Variants in FMN2 observed in about 807,000 individuals in gnomAD.
The protein encoded by FMN2 is formin-2.
In FMN2, 51 loss-of-function variants were observed where a neutral mutation model predicts 142.3. That is an observed-to-expected ratio of 0.36 (90% confidence interval 0.29 to 0.45). The LOEUF (loss-of-function observed/expected upper bound fraction) is 0.45, where lower values mean the gene tolerates loss of function less well. Among genes scored for constraint, FMN2 ranks in the 20% least tolerant of loss-of-function variants. The pLI is 1.00. For missense variants in FMN2, 1,936 were observed against 2,122.8 expected (o/e 0.91, Z 1.73); for synonymous variants, 882 against 869.8 (o/e 1.01, Z -0.25).
chr1:240,257,833 G>A, intron 6 of FMN2, 112 bp from the exon 7 acceptor site: 1 of 842,868 alleles, frequency 1.2e-6, no homozygotes, highest in Non-Finnish European at 1.9e-6. Context: ...TTTAGGTAAT[G>A]ACGTGAGATC....
intron 14 of FMN2, among the ~76,000 whole-genome samples, chr1:240,373,050 G>A (rs1672925519): frequency 6.6e-6 from 1 of 152,024 alleles, no homozygotes; most frequent in Non-Finnish European, 1.5e-5. Context: ...CGCGCGTGGT[G>A]GTGCACACCT....
At chr1:240,345,543 T>C (rs1006270621) in intron 13 of FMN2, among the ~76,000 whole-genome samples, 3 of 152,172 alleles carry the variant, frequency 2.0e-5, no homozygotes, top group Non-Finnish European at 4.4e-5. Context: ...TGATCTCGAC[T>C]CACTGCAACC....
In FMN2 at chr1:240,123,252, C is replaced by A. The variant is rs141488751; in HGVS notation, c.1689C>A (p.Ser563=). The change falls in exon 2 of 18, where the codon TCC becomes TCA. Residue 563 remains serine, a synonymous_variant. Transcript: ENST00000319653. ...GPPEEAEKFC[S]RIIAMGLLLP... ...CAGAAGAAGCAGAGAAGTTTTGCTC[C>A]CGGATCATTGCCATGGGTCTTCTCC... The A allele has an allele frequency of 6.7e-4, 1,074 of 1,614,076 alleles. No individual in the cohort carries two copies. The highest frequency in any genetic ancestry group is 7.9e-4 in the Non-Finnish European group (930 of 1,180,000).
At chr1:240,244,594 A>T (rs1443106574) in intron 6 of FMN2, among the ~76,000 whole-genome samples, 1 of 152,242 alleles carries the variant, frequency 6.6e-6, no homozygotes, top group Non-Finnish European at 1.5e-5. Context: ...TAAGTTACAG[A>T]AGATATTATC....
chr1:240,166,769 A>G (rs11809063), intron 2 of FMN2, among the ~76,000 whole-genome samples: 6,527 of 152,236 alleles, frequency 0.043, 461 homozygotes, highest in African/African-American at 0.15. Flanking sequence ...ATATTTTTGC[A>G]TATCACTGAT....
chr1:240,445,212 A>C (rs1450486507), intron 16 of FMN2, among the ~76,000 whole-genome samples: 1 of 152,200 alleles, frequency 6.6e-6, no homozygotes, highest in East Asian at 1.9e-4. Context: ...TGCATTCAAC[A>C]ATTTTTTATG....
chr1:240,175,986 T>G (rs779106098), intron 2 of FMN2, among the ~76,000 whole-genome samples: 3 of 152,190 alleles, frequency 2.0e-5, no homozygotes, highest in Non-Finnish European at 4.4e-5. Context: ...AAATACTTCC[T>G]CCCATTTTGT....
chr1:240,371,657 A>G (rs1672871014), intron 14 of FMN2, among the ~76,000 whole-genome samples: 1 of 152,242 alleles, frequency 6.6e-6, no homozygotes, highest in African/African-American at 2.4e-5. Flanking sequence ...AAATTGCACC[A>G]TTTAAAATTA....
intron 6 of FMN2, among the ~76,000 whole-genome samples, chr1:240,221,052 CT>C (rs1451834488): frequency 2.0e-5 from 3 of 152,100 alleles, no homozygotes; most frequent in African/African-American, 7.2e-5. Flanking sequence ...CGAACTCATC[CT>C]TTTTTATGGC....
chr1:240,268,245 T>A (rs1264567125), intron 7 of FMN2, among the ~76,000 whole-genome samples: 3 of 152,080 alleles, frequency 2.0e-5, no homozygotes, highest in African/African-American at 7.2e-5. Context: ...TTTGATTGTT[T>A]TGTAGTTTGG....
chr1:240,425,081 G>A (rs975822399), intron 15 of FMN2, among the ~76,000 whole-genome samples: 1 of 152,076 alleles, frequency 6.6e-6, no homozygotes, highest in Non-Finnish European at 1.5e-5. Flanking sequence ...TTCTGATGGC[G>A]GTCAGTGCTG....
intron 14 of FMN2, among the ~76,000 whole-genome samples, chr1:240,370,864 G>A (rs1203868726): frequency 6.6e-6 from 1 of 152,132 alleles, no homozygotes; most frequent in African/African-American, 2.4e-5. Context: ...ATTAAAGTGT[G>A]CGACTACTCA....
chr1:240,173,316 C>T (rs2103314885), intron 2 of FMN2, among the ~76,000 whole-genome samples: 1 of 152,280 alleles, frequency 6.6e-6, no homozygotes, highest in East Asian at 1.9e-4. Flanking sequence ...CCTTCTCATC[C>T]TGAAGTCGTT....
intron 6 of FMN2, among the ~76,000 whole-genome samples, chr1:240,219,438 T>C (rs6429188): frequency 0.66 from 100,328 of 152,034 alleles, 33,855 homozygotes; most frequent in African/African-American, 0.76. Flanking sequence ...ATGCTGGTGA[T>C]GACACTAGTC....
chr1:240,456,508 G>A (rs1039914997), intron 16 of FMN2, among the ~76,000 whole-genome samples: 1 of 152,154 alleles, frequency 6.6e-6, no homozygotes, highest in Admixed American at 6.5e-5. Context: ...CCAGGCTGGA[G>A]CGCAATGGCA....
intron 6 of FMN2, among the ~76,000 whole-genome samples, chr1:240,232,769 G>C (rs1299007788): frequency 1.3e-5 from 2 of 152,064 alleles, no homozygotes; most frequent in African/African-American, 4.8e-5. Context: ...TGGTTTCACA[G>C]ATTTCAGTAC....
intron 13 of FMN2, among the ~76,000 whole-genome samples, chr1:240,342,401 T>A (rs1369049849): frequency 6.6e-6 from 1 of 152,220 alleles, no homozygotes; most frequent in Admixed American, 6.5e-5. Flanking sequence ...ATAATTCGTC[T>A]CATGAATGTG....
intron 16 of FMN2, among the ~76,000 whole-genome samples, chr1:240,466,679 T>G (rs1676629287): frequency 6.6e-6 from 1 of 152,208 alleles, no homozygotes; most frequent in African/African-American, 2.4e-5. Flanking sequence ...AGGTTTTATA[T>G]TCATTCCAGC....
At chr1:240,267,588 A>G (rs1668861959) in intron 7 of FMN2, among the ~76,000 whole-genome samples, 1 of 151,532 alleles carries the variant, frequency 6.6e-6, no homozygotes, top group South Asian at 2.1e-4. Context: ...CCCTCATGAC[A>G]CAAGTTTACC....
Sources: allele counts gnomAD v4.1 joint callset (sites outside exome capture counted in the v4.1 genomes callset), GRCh38; gene constraint gnomAD v4.1.1; transcripts MANE v1.5; gene names NCBI Gene and HGNC (gene_info 2026-07-23, HGNC 2026-07-21).